Variants in CTNNBL1 observed in about 807,000 individuals in gnomAD.
The protein encoded by CTNNBL1 is beta-catenin-like protein 1.
CTNNBL1 carries 31 observed loss-of-function variants against 72.7 expected under a neutral mutation model. The observed-to-expected ratio is 0.43, with a 90% CI of 0.32 to 0.58. The LOEUF is 0.58. CTNNBL1 is among the 20% of genes least tolerant of loss of function. The pLI, the probability that CTNNBL1 is intolerant of heterozygous loss-of-function variation, is 0.08. For missense variants in CTNNBL1, 534 were observed against 725.1 expected, an observed-to-expected ratio of 0.74 and a Z score of 3.03; for synonymous variants, 240 against 267.3, an observed-to-expected ratio of 0.90 and a Z score of 1.00.
chr20:37,764,721 T>C (rs2073449526), intron 5 of CTNNBL1, among the ~76,000 whole-genome samples: 2 of 152,196 alleles, frequency 1.3e-5, no homozygotes, highest in African/African-American at 4.8e-5. Flanking sequence ...AACAGGAATG[T>C]TTTGAGGTCA....
At chr20:37,830,156 T>C (rs542845464) in intron 11 of CTNNBL1, among the ~76,000 whole-genome samples, 4 of 152,124 alleles carry the variant, frequency 2.6e-5, no homozygotes, top group African/African-American at 9.7e-5. Flanking sequence ...AACAGCTTTA[T>C]TGAGACTGAC....
intron 11 of CTNNBL1, among the ~76,000 whole-genome samples, chr20:37,820,543 T>C (rs1252472219): frequency 6.6e-6 from 1 of 152,172 alleles, no homozygotes; most frequent in Non-Finnish European, 1.5e-5. Flanking sequence ...TTCTCACATA[T>C]CCAGAAAGGG....
intron 1 of CTNNBL1, among the ~76,000 whole-genome samples, chr20:37,732,559 A>G (rs2073138531): frequency 1.3e-5 from 2 of 152,254 alleles, no homozygotes; most frequent in South Asian, 4.1e-4. Flanking sequence ...TGGTATATTT[A>G]TAGAATCATT....
chr20:37,804,741 G>A (rs146766255), intron 11 of CTNNBL1, among the ~76,000 whole-genome samples: 3 of 152,332 alleles, frequency 2.0e-5, no homozygotes, highest in Admixed American at 2.0e-4. Context: ...CCCTTAGCAG[G>A]CTCCTGCTCT....
intron 1 of CTNNBL1, among the ~76,000 whole-genome samples, chr20:37,715,899 C>G (rs2072982081): frequency 6.6e-6 from 1 of 152,072 alleles, no homozygotes; most frequent in African/African-American, 2.4e-5. Flanking sequence ...GGAGATTCAC[C>G]CACAGAGGAA....
intron 1 of CTNNBL1, among the ~76,000 whole-genome samples, chr20:37,698,171 A>G (rs958059142): frequency 2.0e-5 from 3 of 152,226 alleles, no homozygotes; most frequent in African/African-American, 4.8e-5. Context: ...AAGGAACTAC[A>G]ATACTAGAAC....
At chr20:37,827,426 C>G (rs2072169705) in intron 11 of CTNNBL1, among the ~76,000 whole-genome samples, 1 of 152,210 alleles carries the variant, frequency 6.6e-6, no homozygotes, top group South Asian at 2.1e-4. Context: ...TATAAATCAT[C>G]CAGGCCACCT....
In CTNNBL1 at chr20:37,717,066, C is replaced by T. The variant is rs566633854; in HGVS notation, c.31-15813C>T. ...GGTTCTCACTCATTCAGTCCTGGAT[C>T]ATTCATTCCCCCCTTCCCATTTTTC... On this transcript the variant is annotated intron_variant, in intron 1 of 15. Coordinates refer to ENST00000361383, the MANE Select transcript of CTNNBL1 (RefSeq NM_030877.5). 1.3e-3 allele frequency among the ~76,000 whole-genome samples: 199 copies of T among 150,920 alleles called. 1 individual carries two copies. The highest frequency in any genetic ancestry group is 6.8e-3 in the Middle Eastern group (2 of 294).
chr20:37,734,563 A>T (rs536866360), intron 2 of CTNNBL1, among the ~76,000 whole-genome samples: 1 of 152,290 alleles, frequency 6.6e-6, no homozygotes, highest in South Asian at 2.1e-4. Context: ...TGTGGGACCA[A>T]CCCGTCTGTT....
At chr20:37,735,563 T>G (rs2073164449) in intron 2 of CTNNBL1, among the ~76,000 whole-genome samples, 1 of 152,238 alleles carries the variant, frequency 6.6e-6, no homozygotes, top group South Asian at 2.1e-4. Context: ...GAGTCTTGAC[T>G]GAGCCAGGAC....
chr20:37,777,781 G>C, intron 9 of CTNNBL1, 69 bp downstream of exon 9: 2 of 1,491,254 alleles, frequency 1.3e-6, no homozygotes, highest in South Asian at 1.1e-5. Flanking sequence ...GGTGGAGCTG[G>C]AAACTGTGGG....
chr20:37,755,192 TAGCATAGCACC>T (rs1302147710), intron 4 of CTNNBL1, among the ~76,000 whole-genome samples: 1 of 152,176 alleles, frequency 6.6e-6, no homozygotes, highest in African/African-American at 2.4e-5. Flanking sequence ...AGAATTCCAG[TAGCATAGCACC>T]AGACATGATG....
chr20:37,728,659 G>A (rs1193346231), intron 1 of CTNNBL1, among the ~76,000 whole-genome samples: 2 of 152,184 alleles, frequency 1.3e-5, no homozygotes, highest in East Asian at 1.9e-4. Context: ...AAGTTCTTAC[G>A]ATTTTTGCCT....
At position 37,694,044 on chromosome 20, in the gene CTNNBL1, T is replaced by C; in HGVS notation, c.-79T>C. On this transcript the variant is annotated 5_prime_UTR_variant, in exon 1 of 16. Transcript: ENST00000361383. ...CTCCGCTCGCCGCACTTTACGGCAGTGTGGCTGGAGCCGCGGCTGACGGGC... is the reference window on the plus strand; with the variant it reads ...CTCCGCTCGCCGCACTTTACGGCAGCGTGGCTGGAGCCGCGGCTGACGGGC... 3.3e-6 allele frequency: 5 copies of C among 1,511,888 alleles called. No individual in the cohort carries two copies. The highest frequency in any genetic ancestry group is 1.4e-5 in the African/African-American group (1 of 72,202). 93.7% of individuals were successfully genotyped at this position (1,511,888 alleles called of 1,614,324 possible).
rs1380774193 is a variant in CTNNBL1, at chr20:37,732,882, A to T, written c.34A>T (p.Asn12Tyr). ...DVGELLSYQP[N>Y]RGTKRPRDDE... ...TCTTATGTTTCTTTTCTCTCAGCCC[A>T]ATAGGGGCACAAAACGTCCCCGGGA... Residue 12 changes from asparagine to tyrosine, a missense_variant, in exon 2 of 16, where the codon AAT (asparagine) becomes TAT (tyrosine). Physicochemically the swap from Asn to Tyr is moderately radical, Grantham distance 143. Coordinates refer to ENST00000361383, the MANE Select transcript of CTNNBL1 (RefSeq NM_030877.5). The T allele has an allele frequency of 6.2e-7, 1 of 1,613,370 alleles. No individual in the cohort carries two copies. Among genetic ancestry groups the T allele is most frequent in the East Asian group, 2.2e-5 (1 of 44,866 alleles).
intron 3 of CTNNBL1, among the ~76,000 whole-genome samples, chr20:37,739,078 C>CTG (rs34184566): frequency 0.03 from 4,390 of 147,390 alleles, 74 homozygotes; most frequent in East Asian, 0.065. Flanking sequence ...TACAGGAGCA[C>CTG]TGTGTGTGTG....
intron 10 of CTNNBL1, among the ~76,000 whole-genome samples, chr20:37,788,885 C>T (rs767382763): frequency 2.0e-5 from 3 of 152,208 alleles, no homozygotes; most frequent in African/African-American, 4.8e-5. Flanking sequence ...CTAGTTTTCC[C>T]TGTCACACAG....
intron 4 of CTNNBL1, among the ~76,000 whole-genome samples, chr20:37,749,400 C>T (rs1016926890): frequency 2.0e-5 from 3 of 152,140 alleles, no homozygotes; most frequent in Non-Finnish European, 2.9e-5. Flanking sequence ...AAACGCTGCT[C>T]GACATCGGCA....
intron 13 of CTNNBL1, among the ~76,000 whole-genome samples, chr20:37,843,479 A>T (rs999392866): frequency 6.6e-5 from 10 of 152,060 alleles, no homozygotes; most frequent in African/African-American, 2.4e-4. Flanking sequence ...GGCTGTGGGG[A>T]TGTGGGGAGA....
Sources: gnomAD v4.1 joint callset for allele counts (sites outside exome capture counted in the v4.1 genomes callset) on GRCh38, gnomAD v4.1.1 for gene constraint, MANE v1.5 for transcripts, NCBI Gene and HGNC (gene_info 2026-07-23, HGNC 2026-07-21) for gene names.